RANBP2: variants seen among roughly 807,000 people sequenced by gnomAD.
RANBP2 encodes the protein RAN binding protein 2.
RANBP2 carries 57 observed loss-of-function variants against 303.6 expected under a neutral mutation model. The observed-to-expected ratio is 0.19, with a 90% CI of 0.15 to 0.23. RANBP2 has a LOEUF of 0.23. RANBP2 is among the 10% of genes least tolerant of loss of function. The pLI, the probability that RANBP2 is intolerant of heterozygous loss-of-function variation, is 1.00. For missense variants in RANBP2, 3,138 were observed against 3,780.8 expected (o/e 0.83, Z 4.46); for synonymous variants, 1,167 against 1,301.5 (o/e 0.90, Z 2.23).
At chr2:109,634,303 C>G in the RANBP2 span, among the ~76,000 whole-genome samples, 1 of 151,898 alleles carries the variant, frequency 6.6e-6, no homozygotes, top group Non-Finnish European at 1.5e-5. Flanking sequence ...CCCACACCTA[C>G]ACACATCATA....
the RANBP2 span, among the ~76,000 whole-genome samples, chr2:109,134,321 A>G: frequency 6.6e-6 from 1 of 151,842 alleles, no homozygotes; most frequent in South Asian, 2.1e-4. Flanking sequence ...TATAATAAGG[A>G]CTCCAGAGGA....
At chr2:109,036,696 G>A in the RANBP2 span, among the ~76,000 whole-genome samples, 6 of 152,282 alleles carry the variant, frequency 3.9e-5, no homozygotes, top group Admixed American at 1.3e-4. Flanking sequence ...ACAATCCTAA[G>A]TTGAGAAAGA....
At chr2:108,923,418 T>C in the RANBP2 span, 2 of 1,614,162 alleles carry the variant, frequency 1.2e-6, no homozygotes, top group Non-Finnish European at 1.7e-6. Context: ...GACCATGCCA[T>C]AGATGTTCCT....
chr2:108,909,646 G>A, the RANBP2 span, among the ~76,000 whole-genome samples: 1 of 152,240 alleles, frequency 6.6e-6, no homozygotes, highest in Non-Finnish European at 1.5e-5. Context: ...TGCCTGGCTG[G>A]GAGCTGATGC....
At chr2:108,962,638 G>A in the RANBP2 span, among the ~76,000 whole-genome samples, 1 of 132,328 alleles carries the variant, frequency 7.6e-6, no homozygotes, top group African/African-American at 3.0e-5. Context: ...TCGCTCCACT[G>A]CCCTCCAGCC....
downstream of RANBP2, chr2:108,785,822 T>C (rs1678587468): frequency 6.6e-6 from 1 of 152,256 alleles, no homozygotes; most frequent in South Asian, 2.1e-4. Flanking sequence ...TCTTAAGTGG[T>C]ACTTTATGGC....
chr2:109,729,858 A>C, the RANBP2 span, among the ~76,000 whole-genome samples: 1 of 152,216 alleles, frequency 6.6e-6, no homozygotes, highest in African/African-American at 2.4e-5. Context: ...TCATAGTTCC[A>C]CATGGCTGGG....
chr2:109,044,522 C>CA, the RANBP2 span, among the ~76,000 whole-genome samples: 1 of 151,428 alleles, frequency 6.6e-6, no homozygotes, highest in Non-Finnish European at 1.5e-5. Context: ...GACTCTGTCG[C>CA]AAAAAATAAA....
chr2:109,127,230 T>C, the RANBP2 span: 1 of 152,276 alleles, frequency 6.6e-6, no homozygotes, highest in African/African-American at 2.4e-5. Flanking sequence ...AAGCACAGGA[T>C]ATGTGTAATT....
the RANBP2 span, among the ~76,000 whole-genome samples, chr2:108,944,629 A>C: frequency 1.3e-4 from 19 of 151,032 alleles, no homozygotes; most frequent in Non-Finnish European, 2.7e-4. Flanking sequence ...TGCTGGGCTA[A>C]GTGCCAGGGT....
chr2:109,306,186 A>T, the RANBP2 span, among the ~76,000 whole-genome samples: 2 of 152,260 alleles, frequency 1.3e-5, no homozygotes, highest in Non-Finnish European at 2.9e-5. Flanking sequence ...TAAAATGGTC[A>T]GAGCAGACCG....
chr2:108,907,741 G>A, the RANBP2 span: 1 of 1,188,914 alleles, frequency 8.4e-7, no homozygotes, highest in Non-Finnish European at 1.3e-6. Context: ...CTCCTATCTT[G>A]GACTTCTGGG....
At chr2:109,358,486 A>G in the RANBP2 span, among the ~76,000 whole-genome samples, 1 of 152,294 alleles carries the variant, frequency 6.6e-6, no homozygotes, top group South Asian at 2.1e-4. Flanking sequence ...CTGTGTTCCA[A>G]AGTTGCTGGG....
At chr2:109,611,465 C>G in the RANBP2 span, among the ~76,000 whole-genome samples, 1 of 151,746 alleles carries the variant, frequency 6.6e-6, no homozygotes, top group Non-Finnish European at 1.5e-5. Flanking sequence ...ACCTAAAAAA[C>G]TTTAAACCCA....
chr2:109,387,802 C>G, the RANBP2 span, among the ~76,000 whole-genome samples: 1 of 152,212 alleles, frequency 6.6e-6, no homozygotes, highest in Admixed American at 6.5e-5. Context: ...GAGCCCCTGG[C>G]CTGCAGTAGG....
the RANBP2 span, among the ~76,000 whole-genome samples, chr2:109,150,358 A>G: frequency 1.3e-5 from 2 of 152,168 alleles, no homozygotes; most frequent in Non-Finnish European, 1.5e-5. Flanking sequence ...AGGTGGTACA[A>G]GACCATGCTA....
At chr2:109,157,359 C>T in the RANBP2 span, among the ~76,000 whole-genome samples, 6 of 152,178 alleles carry the variant, frequency 3.9e-5, no homozygotes, top group Admixed American at 3.3e-4. Context: ...ATATTGCATT[C>T]GCTTTATAGA....
chr2:108,942,700 C>T, the RANBP2 span, among the ~76,000 whole-genome samples: 3 of 152,276 alleles, frequency 2.0e-5, no homozygotes, highest in African/African-American at 7.2e-5. Flanking sequence ...TTCCTGTTCC[C>T]GCCTCTCCTT....
intron 1 of RANBP2, among the ~76,000 whole-genome samples, chr2:108,727,897 C>T (rs1039625899): frequency 1.3e-5 from 2 of 152,130 alleles, no homozygotes; most frequent in African/African-American, 4.8e-5. Flanking sequence ...GCCACCGCAC[C>T]CAGCCTGGTG....
Sources: allele counts gnomAD v4.1 joint callset (sites outside exome capture counted in the v4.1 genomes callset), GRCh38; gene constraint gnomAD v4.1.1; transcripts MANE v1.5; gene names NCBI Gene and HGNC (gene_info 2026-07-23, HGNC 2026-07-21).